FAM117A: variants seen among roughly 807,000 people sequenced by gnomAD.
The protein encoded by FAM117A is family with sequence similarity 117 member A.
Under a neutral mutation model 44.1 loss-of-function variants are expected in FAM117A, and 21 were observed. The ratio of observed to expected loss-of-function variants is 0.48; its 90% CI spans 0.34 to 0.69. The LOEUF (loss-of-function observed/expected upper bound fraction) is 0.69, where lower values mean the gene tolerates loss of function less well. Among genes scored for constraint, FAM117A ranks in the 30% least tolerant of loss-of-function variants. The pLI is 0.01. For synonymous variants in FAM117A, 220 were observed against 238.3 expected, an observed-to-expected ratio of 0.92 and a Z score of 0.71; for missense variants, 498 against 589.9, an observed-to-expected ratio of 0.84 and a Z score of 1.61.
At chr17:49,777,729 G>A (rs2073779084) in intron 1 of FAM117A, among the ~76,000 whole-genome samples, 1 of 152,170 alleles carries the variant, frequency 6.6e-6, no homozygotes, top group Non-Finnish European at 1.5e-5. Context: ...GGATTCTTGG[G>A]ACCGGGGCTA....
At chr17:49,782,093 G>A (rs1213804967) in intron 1 of FAM117A, among the ~76,000 whole-genome samples, 1 of 152,034 alleles carries the variant, frequency 6.6e-6, no homozygotes, top group East Asian at 1.9e-4. Flanking sequence ...AAAAATAGTT[G>A]GGTCAGGCGT....
At chr17:49,746,748 CAG>C (rs2143762101) in intron 1 of FAM117A, among the ~76,000 whole-genome samples, 1 of 152,256 alleles carries the variant, frequency 6.6e-6, no homozygotes, top group East Asian at 1.9e-4. Flanking sequence ...ATCCCAGAGA[CAG>C]AGGTAAAAAC....
intron 2 of FAM117A, among the ~76,000 whole-genome samples, chr17:49,729,678 G>A (rs2073576483): frequency 6.6e-6 from 1 of 151,756 alleles, no homozygotes; most frequent in Non-Finnish European, 1.5e-5. Flanking sequence ...GCTAATTTTT[G>A]TATTTTTAGT....
chr17:49,758,633 A>AT (rs1158971155), intron 1 of FAM117A, among the ~76,000 whole-genome samples: 59 of 123,224 alleles, frequency 4.8e-4, no homozygotes, highest in South Asian at 2.2e-3. Context: ...AAAAAAAAAA[A>AT]AAATAAAATA....
intron 1 of FAM117A, among the ~76,000 whole-genome samples, chr17:49,741,879 T>TG (rs2073635902): frequency 6.6e-6 from 1 of 152,056 alleles, no homozygotes; most frequent in Non-Finnish European, 1.5e-5. Flanking sequence ...GTGGGTTTTG[T>TG]GGGGAAGTTG....
chr17:49,774,361 G>A (rs1336213469), intron 1 of FAM117A, among the ~76,000 whole-genome samples: 1 of 80,298 alleles, frequency 1.2e-5, no homozygotes, highest in Non-Finnish European at 2.2e-5. Flanking sequence ...GCCCAGGCTG[G>A]TCTTTTTTTT....
intron 5 of FAM117A, 199 bp downstream of exon 5, chr17:49,719,561 G>T: frequency 1.7e-6 from 1 of 589,862 alleles, no homozygotes; most frequent in Non-Finnish European, 2.7e-6. Flanking sequence ...CCACCACAAA[G>T]CCTGCCCTAG....
intron 1 of FAM117A, among the ~76,000 whole-genome samples, chr17:49,756,610 CAAA>C (rs142459710): frequency 1.7e-5 from 2 of 116,388 alleles, no homozygotes; most frequent in Non-Finnish European, 1.8e-5. Context: ...CCCCATCTCT[CAAA>C]AAAAAAAAAA....
chr17:49,750,383 G>A (rs1178994355), intron 1 of FAM117A, among the ~76,000 whole-genome samples: 1 of 148,974 alleles, frequency 6.7e-6, no homozygotes, highest in Non-Finnish European at 1.5e-5. Context: ...AAGAGAAAGC[G>A]AAGGAGGCAT....
At chr17:49,789,009 G>A (rs2073846450), upstream of FAM117A, 1 of 579,830 alleles carries the variant, frequency 1.7e-6, no homozygotes, top group African/African-American at 2.0e-5. Flanking sequence ...AGAAAAATGT[G>A]GGCCCGACCC....
chr17:49,729,679 T>C (rs1567828882), intron 2 of FAM117A, among the ~76,000 whole-genome samples: 1 of 151,930 alleles, frequency 6.6e-6, no homozygotes, highest in Non-Finnish European at 1.5e-5. Flanking sequence ...CTAATTTTTG[T>C]ATTTTTAGTA....
chr17:49,758,241 A>T (rs1358023942), intron 1 of FAM117A, among the ~76,000 whole-genome samples: 1 of 152,012 alleles, frequency 6.6e-6, no homozygotes, highest in Admixed American at 6.6e-5. Context: ...CTGAGGCAGG[A>T]GAAGCGCTTG....
At chr17:49,755,975 T>C (rs1717362014) in intron 1 of FAM117A, among the ~76,000 whole-genome samples, 1 of 152,184 alleles carries the variant, frequency 6.6e-6, no homozygotes, top group Admixed American at 6.5e-5. Flanking sequence ...CCATTGCACT[T>C]GAACTTGAAA....
At chr17:49,749,403 C>CA (rs1331660137) in intron 1 of FAM117A, among the ~76,000 whole-genome samples, 2 of 151,696 alleles carry the variant, frequency 1.3e-5, no homozygotes, top group Non-Finnish European at 2.9e-5. Flanking sequence ...GGTGAAACCC[C>CA]ATCTCTACTA....
intron 1 of FAM117A, among the ~76,000 whole-genome samples, chr17:49,744,720 G>A (rs890070165): frequency 6.6e-6 from 1 of 151,570 alleles, no homozygotes; most frequent in African/African-American, 2.4e-5. Flanking sequence ...AAGAAATAAT[G>A]ACAAGACAAG....
chr17:49,717,226 C>T (rs1185411620), intron 6 of FAM117A, among the ~76,000 whole-genome samples: 1 of 152,222 alleles, frequency 6.6e-6, no homozygotes, highest in Non-Finnish European at 1.5e-5. Context: ...TCCCCTACAG[C>T]TTGCTGAACC....
intron 3 of FAM117A, among the ~76,000 whole-genome samples, chr17:49,721,319 A>T (rs1172866272): frequency 6.6e-6 from 1 of 152,208 alleles, no homozygotes; most frequent in Non-Finnish European, 1.5e-5. Context: ...AGAGCTATTT[A>T]AATATAAGCC....
At chr17:49,765,721 A>G (rs749755609), upstream of FAM117A, 2 of 152,248 alleles carry the variant, frequency 1.3e-5, no homozygotes, top group Non-Finnish European at 2.9e-5. Flanking sequence ...TCAAAGACAG[A>G]GAAGAATAAA....
intron 3 of FAM117A, among the ~76,000 whole-genome samples, chr17:49,721,570 AG>A (rs1217649656): frequency 6.6e-6 from 1 of 152,212 alleles, no homozygotes; most frequent in African/African-American, 2.4e-5. Context: ...TCAGCAATAG[AG>A]GGCAGAAGCA....
Sources: gnomAD v4.1 joint callset for allele counts (sites outside exome capture counted in the v4.1 genomes callset) on GRCh38, gnomAD v4.1.1 for gene constraint, MANE v1.5 for transcripts, NCBI Gene and HGNC (gene_info 2026-07-23, HGNC 2026-07-21) for gene names.